The following FGF1 variants were observed in gnomAD, a reference collection of about 807,000 sequenced individuals.
FGF1 encodes the protein beta-endothelial cell growth factor.
FGF1 carries 9 observed loss-of-function variants against 13.4 expected under a neutral mutation model. The observed-to-expected ratio is 0.67, with a 90% CI of 0.40 to 1.17. The LOEUF (loss-of-function observed/expected upper bound fraction) is 1.17. Ranked by LOEUF, FGF1 falls within the 50% of genes most tolerant of loss-of-function variation. The probability of loss-of-function intolerance (pLI) is 0.01; values close to 1 mark genes in which losing one functional copy is unlikely to be tolerated. For missense variants in FGF1, 156 were observed against 192.7 expected (o/e 0.81, Z 1.13); for synonymous variants, 93 against 79.0 (o/e 1.18, Z -0.94).
At chr5:142,642,616 A>G (rs1446233002) in intron 1 of FGF1, among the ~76,000 whole-genome samples, 1 of 152,224 alleles carries the variant, frequency 6.6e-6, no homozygotes, top group Non-Finnish European at 1.5e-5. Context: ...CCAAGAGTGA[A>G]CAACAGCAGC....
chr5:142,604,367 T>C (rs932647034), intron 2 of FGF1, among the ~76,000 whole-genome samples: 3 of 152,242 alleles, frequency 2.0e-5, no homozygotes, highest in African/African-American at 7.2e-5. Context: ...TAATCCTATA[T>C]GTTTAAGAGA....
At chr5:142,664,554 G>A (rs1478481122) in intron 1 of FGF1, among the ~76,000 whole-genome samples, 3 of 152,168 alleles carry the variant, frequency 2.0e-5, no homozygotes, top group African/African-American at 7.2e-5. Context: ...AAATCAGGCC[G>A]TGCAACATTC....
chr5:142,598,172 G>A (rs1362365119), intron 3 of FGF1, among the ~76,000 whole-genome samples: 1 of 152,194 alleles, frequency 6.6e-6, no homozygotes, highest in African/African-American at 2.4e-5. Context: ...CCCTTGTAGG[G>A]AGGACTCATG....
intron 1 of FGF1, among the ~76,000 whole-genome samples, chr5:142,662,585 T>C (rs866189411): frequency 3.3e-5 from 5 of 152,218 alleles, no homozygotes; most frequent in Middle Eastern, 3.2e-3. Flanking sequence ...AATGGATACC[T>C]ACATGAGCTT....
intron 1 of FGF1, among the ~76,000 whole-genome samples, chr5:142,652,702 A>T (rs1767467234): frequency 6.6e-6 from 1 of 152,222 alleles, no homozygotes; most frequent in Non-Finnish European, 1.5e-5. Context: ...GCACAGAAGC[A>T]GCCCAGTAGT....
intron 1 of FGF1, among the ~76,000 whole-genome samples, chr5:142,638,576 A>G (rs1256464176): frequency 6.6e-6 from 1 of 152,058 alleles, no homozygotes; most frequent in African/African-American, 2.4e-5. Flanking sequence ...AGAGTTTGTA[A>G]ATCTGCTAGA....
intron 1 of FGF1, among the ~76,000 whole-genome samples, chr5:142,669,619 G>A (rs1771063448): frequency 6.6e-6 from 1 of 152,244 alleles, no homozygotes; most frequent in Non-Finnish European, 1.5e-5. Flanking sequence ...GACGCAGCCA[G>A]GAGCAGCCCA....
chr5:142,689,334 C>T (rs1052398818), upstream of FGF1, among the ~76,000 whole-genome samples: 4 of 152,200 alleles, frequency 2.6e-5, no homozygotes, highest in African/African-American at 7.2e-5. Flanking sequence ...CCCAATGAGG[C>T]AGTTAGATGA....
chr5:142,675,749 A>C (rs1772445295), intron 1 of FGF1, among the ~76,000 whole-genome samples: 1 of 152,212 alleles, frequency 6.6e-6, no homozygotes, highest in Non-Finnish European at 1.5e-5. Context: ...AAAATGCAAA[A>C]TGGCTGTGCA....
rs1561723795 is a variant in FGF1 at position 142,670,955 on chromosome 5, G to A, written c.-35+15002C>T. Among the ~76,000 whole-genome samples, 4 of 152,326 alleles carry A rather than the reference G, an allele frequency of 2.6e-5. No individual in the cohort carries two copies. In the South Asian group the frequency reaches 8.3e-4, roughly 32 times the overall value. On this transcript the variant is annotated intron_variant, in intron 1 of 3. Coordinates refer to ENST00000337706, the MANE Select transcript of FGF1 (RefSeq NM_000800.5). ...AGCCTTCAGAAGCGCTTTATCACATGTGCTGCCTATGACAGTGGTTTAGGG... is the reference window on the plus strand; with the variant it reads ...AGCCTTCAGAAGCGCTTTATCACATATGCTGCCTATGACAGTGGTTTAGGG...
chr5:142,666,193 T>C (rs1201842834), intron 1 of FGF1, among the ~76,000 whole-genome samples: 1 of 148,252 alleles, frequency 6.7e-6, no homozygotes, highest in Non-Finnish European at 1.5e-5. Context: ...GAAATCTGTA[T>C]CAGCATCATG....
intron 1 of FGF1, among the ~76,000 whole-genome samples, chr5:142,639,857 T>G (rs1764874839): frequency 6.6e-6 from 1 of 151,994 alleles, no homozygotes; most frequent in Admixed American, 6.5e-5. Context: ...AACTTTTATT[T>G]GTCAATAATA....
At chr5:142,646,208 CTTTTTTTTT>C (rs762008952) in intron 1 of FGF1, among the ~76,000 whole-genome samples, 2 of 54,916 alleles carry the variant, frequency 3.6e-5, no homozygotes, top group African/African-American at 7.2e-5. Context: ...CGCACCTGGC[CTTTTTTTTT>C]TTTTTTTTTT....
chr5:142,604,789 G>A (rs1480509183), intron 2 of FGF1, among the ~76,000 whole-genome samples: 1 of 152,146 alleles, frequency 6.6e-6, no homozygotes, highest in Non-Finnish European at 1.5e-5. Context: ...ACCCCAGGTC[G>A]AGTACTCCAA....
chr5:142,620,412 C>T (rs904675959), intron 1 of FGF1, among the ~76,000 whole-genome samples: 8 of 150,572 alleles, frequency 5.3e-5, no homozygotes, highest in Non-Finnish European at 1.0e-4. Flanking sequence ...AGCAAGACTC[C>T]GTCTCAAAAA....
intron 1 of FGF1, among the ~76,000 whole-genome samples, chr5:142,643,070 A>G (rs973048392): frequency 4.6e-5 from 7 of 152,204 alleles, no homozygotes; most frequent in Non-Finnish European, 7.3e-5. Flanking sequence ...GCACTTTCAC[A>G]TACACTATAT....
intron 1 of FGF1, among the ~76,000 whole-genome samples, chr5:142,629,958 A>C (rs1212513075): frequency 6.8e-6 from 1 of 147,438 alleles, no homozygotes; most frequent in Non-Finnish European, 1.5e-5. Context: ...CAGTGGCATG[A>C]TCTCGGCTCA....
At chr5:142,614,402 G>A (rs1032621242) in intron 1 of FGF1, among the ~76,000 whole-genome samples, 2 of 152,170 alleles carry the variant, frequency 1.3e-5, no homozygotes, top group African/African-American at 4.8e-5. Context: ...CACAGCTTTG[G>A]ACCAAACTGC....
At chr5:142,683,872 A>G (rs1774192565) in intron 1 of FGF1, among the ~76,000 whole-genome samples, 1 of 148,008 alleles carries the variant, frequency 6.8e-6, no homozygotes, top group Non-Finnish European at 1.5e-5. Context: ...TTTATCCTTT[A>G]TCACAAACCC....
Sources: gnomAD v4.1 joint callset for allele counts (sites outside exome capture counted in the v4.1 genomes callset) on GRCh38, gnomAD v4.1.1 for gene constraint, MANE v1.5 for transcripts, NCBI Gene and HGNC (gene_info 2026-07-23, HGNC 2026-07-21) for gene names.